TENM2: variants seen among roughly 807,000 people sequenced by gnomAD.
TENM2 encodes the protein teneurin-2.
Under a neutral mutation model 245.2 loss-of-function variants are expected in TENM2, and 52 were observed. That is an observed-to-expected ratio of 0.21 (90% CI 0.17 to 0.27). TENM2 has a LOEUF of 0.27. TENM2 is among the 10% of genes least tolerant of loss of function. The pLI, the probability that TENM2 is intolerant of heterozygous loss-of-function variation, is 1.00. For missense variants in TENM2, 3,046 were observed against 3,666.8 expected (o/e 0.83, Z 4.37); for synonymous variants, 1,363 against 1,438.9 (o/e 0.95, Z 1.19).
At chr5:167,754,973 G>A in intron 2 of TENM2, 1 of 1,542,938 alleles carries the variant, frequency 6.5e-7, no homozygotes, top group East Asian at 2.3e-5. Flanking sequence ...CCTCAGCTGT[G>A]TCAGACTGGG....
intron 5 of TENM2, among the ~76,000 whole-genome samples, chr5:168,018,961 C>T (rs73375674): frequency 0.016 from 2,448 of 152,052 alleles, 80 homozygotes; most frequent in African/African-American, 0.056. Context: ...GAAGTGAGCA[C>T]GGGGAGAAGA....
chr5:168,201,773 C>T (rs1257259979), intron 17 of TENM2, among the ~76,000 whole-genome samples: 2 of 151,982 alleles, frequency 1.3e-5, no homozygotes, highest in Non-Finnish European at 1.5e-5. Flanking sequence ...TTCATCTTTC[C>T]TTATCTTTCT....
the TENM2 span, among the ~76,000 whole-genome samples, chr5:167,092,690 A>T: frequency 5.9e-5 from 9 of 152,200 alleles, no homozygotes; most frequent in Admixed American, 5.9e-4. Flanking sequence ...AGTTATGGTG[A>T]AGCCAGGATT....
chr5:167,664,864 T>C (rs1755469228), intron 2 of TENM2, among the ~76,000 whole-genome samples: 1 of 152,216 alleles, frequency 6.6e-6, no homozygotes, highest in African/African-American at 2.4e-5. Flanking sequence ...CATCCAAGAA[T>C]TTCTCTAAAG....
chr5:168,119,261 A>G (rs1795305452), intron 10 of TENM2, among the ~76,000 whole-genome samples: 1 of 152,206 alleles, frequency 6.6e-6, no homozygotes, highest in African/African-American at 2.4e-5. Flanking sequence ...GGTGAAAATC[A>G]GGGATATAAT....
At chr5:167,482,495 T>C (rs1767817048) in intron 2 of TENM2, among the ~76,000 whole-genome samples, 1 of 152,166 alleles carries the variant, frequency 6.6e-6, no homozygotes, top group East Asian at 1.9e-4. Context: ...AACCTTCAGA[T>C]TTTTTTACAG....
intron 6 of TENM2, among the ~76,000 whole-genome samples, chr5:168,055,876 A>G (rs1274056331): frequency 4.6e-5 from 7 of 152,336 alleles, no homozygotes; most frequent in African/African-American, 1.7e-4. Context: ...CTGGGATTCA[A>G]ACCCAGGCTG....
At chr5:168,175,475 G>A (rs1261013915) in intron 13 of TENM2, among the ~76,000 whole-genome samples, 2 of 152,172 alleles carry the variant, frequency 1.3e-5, no homozygotes, top group African/African-American at 2.4e-5. Context: ...GTGGGTCACT[G>A]TCATGTTCCC....
At chr5:167,160,578 A>G in the TENM2 span, among the ~76,000 whole-genome samples, 2 of 152,342 alleles carry the variant, frequency 1.3e-5, no homozygotes, top group South Asian at 2.1e-4. Flanking sequence ...GCTTCGCTGG[A>G]TCTTACATCT....
intron 1 of TENM2, chr5:167,296,347 G>A (rs1754949344): frequency 6.6e-6 from 1 of 152,202 alleles, no homozygotes; most frequent in Admixed American, 6.5e-5. Flanking sequence ...CTCATAATAT[G>A]TGCTTCTCCT....
chr5:167,816,347 T>A (rs751204361), intron 2 of TENM2, among the ~76,000 whole-genome samples: 1 of 152,168 alleles, frequency 6.6e-6, no homozygotes, highest in African/African-American at 2.4e-5. Context: ...AAACATGCTA[T>A]GAGCCCTCCT....
At chr5:168,078,889 T>A (rs1469615703) in intron 7 of TENM2, among the ~76,000 whole-genome samples, 1 of 152,082 alleles carries the variant, frequency 6.6e-6, no homozygotes, top group Admixed American at 6.6e-5. Flanking sequence ...GTTCTTTTGG[T>A]TTAGGATTGT....
At chr5:167,283,232 A>C (rs2127706245), upstream of TENM2, among the ~76,000 whole-genome samples, 1 of 151,956 alleles carries the variant, frequency 6.6e-6, no homozygotes, top group Non-Finnish European at 1.5e-5. Context: ...TATTTTCAGT[A>C]GAGACGGGGT....
At chr5:167,219,346 CCAAACAAAA>C in the TENM2 span, among the ~76,000 whole-genome samples, 7 of 142,604 alleles carry the variant, frequency 4.9e-5, no homozygotes, top group South Asian at 6.6e-4. Flanking sequence ...ACAAAACCAA[CCAAACAAAA>C]CAAACAAAAC....
At chr5:167,733,317 C>G (rs1760568843) in intron 2 of TENM2, among the ~76,000 whole-genome samples, 2 of 152,268 alleles carry the variant, frequency 1.3e-5, no homozygotes, top group African/African-American at 4.8e-5. Flanking sequence ...TAATAACAGG[C>G]ACTGAGGGCC....
chr5:167,088,633 A>G, the TENM2 span, among the ~76,000 whole-genome samples: 10 of 136,308 alleles, frequency 7.3e-5, no homozygotes. Flanking sequence ...ATCTTTTAAA[A>G]AAACAAAAGA....
intron 2 of TENM2, among the ~76,000 whole-genome samples, chr5:167,710,672 G>A (rs2150481596): frequency 6.6e-6 from 1 of 152,166 alleles, no homozygotes; most frequent in South Asian, 2.1e-4. Context: ...AAGATGAAAG[G>A]GCAGATTTCA....
intron 2 of TENM2, among the ~76,000 whole-genome samples, chr5:167,455,727 A>T (rs1430980001): frequency 6.6e-6 from 1 of 152,130 alleles, no homozygotes; most frequent in Non-Finnish European, 1.5e-5. Context: ...GGGTTTATAT[A>T]GCTTTTAAGT....
intron 2 of TENM2, among the ~76,000 whole-genome samples, chr5:167,639,354 C>A (rs772374253): frequency 6.6e-6 from 1 of 152,142 alleles, no homozygotes; most frequent in Non-Finnish European, 1.5e-5. Flanking sequence ...TACACTTATT[C>A]AATACCCATG....
Sources: allele counts gnomAD v4.1 joint callset (sites outside exome capture counted in the v4.1 genomes callset), GRCh38; gene constraint gnomAD v4.1.1; transcripts MANE v1.5; gene names NCBI Gene and HGNC (gene_info 2026-07-23, HGNC 2026-07-21).